Variants in SRRM4 observed in about 807,000 individuals in gnomAD.
The protein encoded by SRRM4 is serine/arginine repetitive matrix protein 4.
A neutral mutation model predicts 68.9 loss-of-function variants in SRRM4; 33 were observed. The observed-to-expected ratio is 0.48, with a 90% CI of 0.36 to 0.64. The LOEUF is 0.64. Ranked by LOEUF, SRRM4 falls within the 30% of genes least tolerant of loss-of-function variation. The pLI is 0.00. For synonymous variants in SRRM4, 318 were observed against 318.8 expected (o/e 1.00, Z 0.03); for missense variants, 817 against 827.1 (o/e 0.99, Z 0.15).
chr12:119,077,429 G>GT (rs11403650), intron 1 of SRRM4, among the ~76,000 whole-genome samples: 43,610 of 151,892 alleles, frequency 0.29, 6,675 homozygotes, highest in East Asian at 0.43. Context: ...CCTTGGGCAA[G>GT]TTATTTTATC....
intron 1 of SRRM4, among the ~76,000 whole-genome samples, chr12:119,089,548 T>C (rs999739935): frequency 1.3e-5 from 2 of 152,172 alleles, no homozygotes; most frequent in African/African-American, 4.8e-5. Flanking sequence ...TGGAGAATCC[T>C]TTGTCAGAGA....
intron 1 of SRRM4, among the ~76,000 whole-genome samples, chr12:119,049,906 G>A (rs549262751): frequency 3.9e-4 from 59 of 152,218 alleles, no homozygotes; most frequent in African/African-American, 1.4e-3. Flanking sequence ...CCGTTTAAAA[G>A]GTCCCATTTT....
At chr12:119,145,920 T>G (rs1483821127) in intron 9 of SRRM4, among the ~76,000 whole-genome samples, 1 of 152,196 alleles carries the variant, frequency 6.6e-6, no homozygotes, top group African/African-American at 2.4e-5. Flanking sequence ...TTACATCTCT[T>G]ATTCTGCTTC....
intron 1 of SRRM4, among the ~76,000 whole-genome samples, chr12:119,058,261 A>G (rs1405845846): frequency 1.3e-5 from 2 of 152,364 alleles, no homozygotes; most frequent in East Asian, 1.9e-4. Flanking sequence ...AATACTAAGT[A>G]TTAATGAAGT....
At chr12:119,012,472 A>G (rs565215381) in intron 1 of SRRM4, among the ~76,000 whole-genome samples, 1 of 152,270 alleles carries the variant, frequency 6.6e-6, no homozygotes, top group African/African-American at 2.4e-5. Context: ...CTGCCCCCAT[A>G]CTCAGCCTTT....
chr12:119,130,600 G>C, intron 7 of SRRM4, 78 bp from the exon 8 acceptor site: 1 of 1,409,040 alleles, frequency 7.1e-7, no homozygotes, highest in Admixed American at 2.3e-5. Flanking sequence ...ATCATCCTCA[G>C]ATCCTGTTGG....
At chr12:119,039,519 C>T (rs1181123126) in intron 1 of SRRM4, among the ~76,000 whole-genome samples, 1 of 152,168 alleles carries the variant, frequency 6.6e-6, no homozygotes, top group East Asian at 1.9e-4. Flanking sequence ...CTCATCACTT[C>T]AAAGTTTGAA....
intron 1 of SRRM4, among the ~76,000 whole-genome samples, chr12:119,020,077 G>A (rs1028266607): frequency 9.2e-5 from 14 of 151,842 alleles, no homozygotes; most frequent in African/African-American, 3.4e-4. Context: ...GGTCAATGGA[G>A]TAGGGTAAAC....
intron 1 of SRRM4, among the ~76,000 whole-genome samples, chr12:119,082,970 A>G (rs534464067): frequency 1.3e-5 from 2 of 152,308 alleles, no homozygotes; most frequent in East Asian, 3.9e-4. Flanking sequence ...GAAGGAGAGA[A>G]AGAACATAGG....
chr12:119,017,048 A>T (rs2135999918), intron 1 of SRRM4, among the ~76,000 whole-genome samples: 1 of 152,374 alleles, frequency 6.6e-6, no homozygotes, highest in Non-Finnish European at 1.5e-5. Flanking sequence ...CTTGTTAAAT[A>T]AACAGCAAAC....
intron 1 of SRRM4, among the ~76,000 whole-genome samples, chr12:119,017,419 T>C (rs1370230673): frequency 5.3e-5 from 8 of 152,214 alleles, no homozygotes; most frequent in Non-Finnish European, 8.8e-5. Flanking sequence ...CTCTGGAGCT[T>C]TGACTAAGCC....
intron 1 of SRRM4, among the ~76,000 whole-genome samples, chr12:119,075,989 C>T (rs964622876): frequency 1.7e-5 from 2 of 117,018 alleles, no homozygotes; most frequent in African/African-American, 6.6e-5. Flanking sequence ...GATGATGGTG[C>T]TGATGATGGT....
chr12:119,085,121 A>G (rs4767771), intron 1 of SRRM4, among the ~76,000 whole-genome samples: 27,819 of 152,106 alleles, frequency 0.18, 2,672 homozygotes, highest in East Asian at 0.34. Context: ...GGCTGGTCTC[A>G]AACTCCAGAC....
At chr12:118,997,417 C>T (rs1260422697) in intron 1 of SRRM4, among the ~76,000 whole-genome samples, 1 of 152,202 alleles carries the variant, frequency 6.6e-6, no homozygotes, top group Non-Finnish European at 1.5e-5. Flanking sequence ...GTGGACGCGT[C>T]CATCATCCCT....
At chr12:118,988,558 T>C in intron 1 of SRRM4, among the ~76,000 whole-genome samples, 1 of 152,186 alleles carries the variant, frequency 6.6e-6, no homozygotes, top group Non-Finnish European at 1.5e-5. Context: ...GGGGGGATTA[T>C]AGCGAGCCTG....
intron 2 of SRRM4, among the ~76,000 whole-genome samples, chr12:119,108,956 G>A (rs1008379903): frequency 2.6e-5 from 4 of 152,218 alleles, no homozygotes; most frequent in African/African-American, 9.7e-5. Context: ...GCAGTGGCTA[G>A]TATCAGTTGT....
chr12:119,051,305 C>G (rs1268732312), intron 1 of SRRM4, among the ~76,000 whole-genome samples: 1 of 152,178 alleles, frequency 6.6e-6, no homozygotes, highest in Non-Finnish European at 1.5e-5. Flanking sequence ...ATTTACAACA[C>G]TCAACAGTTC....
At chr12:119,134,893 T>C (rs575314608) in intron 8 of SRRM4, among the ~76,000 whole-genome samples, 1 of 152,164 alleles carries the variant, frequency 6.6e-6, no homozygotes, top group Non-Finnish European at 1.5e-5. Context: ...GAAGGATGCA[T>C]AGGAGTTCAT....
At chr12:119,029,715 C>A (rs1445190117) in intron 1 of SRRM4, among the ~76,000 whole-genome samples, 1 of 152,202 alleles carries the variant, frequency 6.6e-6, no homozygotes, top group Non-Finnish European at 1.5e-5. Flanking sequence ...ACGTTTGTTT[C>A]TTCCTGCAGT....
Sources: allele counts gnomAD v4.1 joint callset (sites outside exome capture counted in the v4.1 genomes callset), GRCh38; gene constraint gnomAD v4.1.1; transcripts MANE v1.5; gene names NCBI Gene and HGNC (gene_info 2026-07-23, HGNC 2026-07-21).